FUT9: variants seen among roughly 807,000 people sequenced by gnomAD.
FUT9 encodes the protein 4-galactosyl-N-acetylglucosaminide 3-alpha-L-fucosyltransferase 9.
In FUT9, 15 loss-of-function variants were observed where a neutral mutation model predicts 29.7. The ratio of observed to expected loss-of-function variants is 0.51; its 90% CI spans 0.34 to 0.78. The LOEUF (loss-of-function observed/expected upper bound fraction) is 0.78, where lower values mean the gene tolerates loss of function less well. FUT9 is among the 30% of genes least tolerant of loss of function. The probability of loss-of-function intolerance (pLI) is 0.01; values close to 1 mark genes in which losing one functional copy is unlikely to be tolerated. For synonymous variants in FUT9, 169 were observed against 153.7 expected (o/e 1.10, Z -0.74); for missense variants, 319 against 425.4 (o/e 0.75, Z 2.20).
intron 2 of FUT9, among the ~76,000 whole-genome samples, chr6:96,162,043 C>T (rs546685564): frequency 1.0e-3 from 154 of 152,084 alleles, no homozygotes; most frequent in African/African-American, 3.5e-3. Context: ...CTCTTTATTC[C>T]TTCTTAGCAC....
intron 2 of FUT9, among the ~76,000 whole-genome samples, chr6:96,156,492 C>T (rs542862798): frequency 6.6e-5 from 10 of 152,212 alleles, no homozygotes; most frequent in East Asian, 5.8e-4. Flanking sequence ...AGTTTTCCTT[C>T]GCAGTACAAG....
chr6:96,036,238 A>G (rs1770363615), intron 1 of FUT9, among the ~76,000 whole-genome samples: 2 of 151,036 alleles, frequency 1.3e-5, no homozygotes, highest in African/African-American at 2.4e-5. Flanking sequence ...TATTTAAAAC[A>G]TAATTTTCAT....
intron 2 of FUT9, among the ~76,000 whole-genome samples, chr6:96,136,462 G>A (rs1189136729): frequency 6.6e-6 from 1 of 151,886 alleles, no homozygotes; most frequent in African/African-American, 2.4e-5. Flanking sequence ...AACTCATTAT[G>A]CTTAGGTCAG....
At chr6:96,094,657 G>A (rs1020852831) in intron 1 of FUT9, among the ~76,000 whole-genome samples, 1 of 152,082 alleles carries the variant, frequency 6.6e-6, no homozygotes, top group African/African-American at 2.4e-5. Context: ...TACTCAAAAA[G>A]TTCTGACAAT....
chr6:96,114,837 C>A (rs967361487), intron 2 of FUT9, among the ~76,000 whole-genome samples: 3 of 152,132 alleles, frequency 2.0e-5, no homozygotes, highest in African/African-American at 7.2e-5. Context: ...ACAGCCCAAT[C>A]CCTTTTCCTT....
chr6:96,170,496 GA>G (rs1394249542), intron 2 of FUT9, among the ~76,000 whole-genome samples: 1 of 151,040 alleles, frequency 6.6e-6, no homozygotes, highest in Non-Finnish European at 1.5e-5. Context: ...TCTTCCAAAA[GA>G]ATAGCCAATG....
At chr6:96,029,129 CAT>C in intron 1 of FUT9, among the ~76,000 whole-genome samples, 1 of 151,476 alleles carries the variant, frequency 6.6e-6, no homozygotes, top group Non-Finnish European at 1.5e-5. Context: ...GGGATAGTGT[CAT>C]ATGTGGCAGA....
At chr6:96,129,391 G>A (rs1313372173) in intron 2 of FUT9, among the ~76,000 whole-genome samples, 1 of 151,910 alleles carries the variant, frequency 6.6e-6, no homozygotes, top group African/African-American at 2.4e-5. Context: ...GAGGCTTCGA[G>A]GCTGAAGTAA....
intron 2 of FUT9, among the ~76,000 whole-genome samples, chr6:96,173,840 A>C (rs1410162314): frequency 1.3e-5 from 2 of 152,120 alleles, no homozygotes; most frequent in Non-Finnish European, 2.9e-5. Flanking sequence ...CTTTGCTAAA[A>C]GAGTTTTGAA....
chr6:96,085,495 C>G (rs1771302113), intron 1 of FUT9, among the ~76,000 whole-genome samples: 1 of 152,128 alleles, frequency 6.6e-6, no homozygotes, highest in South Asian at 2.1e-4. Context: ...CTTCTAATAC[C>G]ATTATCTTGA....
chr6:96,059,435 C>T (rs1036420430), intron 1 of FUT9, among the ~76,000 whole-genome samples: 2 of 152,138 alleles, frequency 1.3e-5, no homozygotes, highest in African/African-American at 4.8e-5. Flanking sequence ...TGTTGTTTTA[C>T]TTTAAAGCAG....
chr6:96,069,361 A>G (rs1771015416), intron 1 of FUT9, among the ~76,000 whole-genome samples: 2 of 151,930 alleles, frequency 1.3e-5, no homozygotes, highest in Non-Finnish European at 2.9e-5. Context: ...TCATCTTACC[A>G]AGAAATGAAT....
At chr6:96,119,469 A>C (rs1771978931) in intron 2 of FUT9, among the ~76,000 whole-genome samples, 1 of 152,180 alleles carries the variant, frequency 6.6e-6, no homozygotes, top group South Asian at 2.1e-4. Flanking sequence ...CTAACATCAC[A>C]TTTCTCAGAA....
rs1232422438 is a variant in FUT9, at chr6:96,211,374, G to A, written c.*7139G>A. ...CGCATGTCACAGAATAGGATAGCAA[G>A]AAGATTCTCAGAGATCATTTTCTGG... On this transcript the variant is annotated 3_prime_UTR_variant, in exon 3 of 3. Coordinates refer to ENST00000302103, the MANE Select transcript of FUT9 (RefSeq NM_006581.4). 6.0e-6 allele frequency: 1 copy of A among 166,794 alleles called. No individual in the cohort carries two copies. The allele number at this position is 166,794 out of a possible 1,614,324, so 10.3% of individuals were successfully genotyped here.
rs1191908792 is a variant in FUT9 at position 96,211,601 on chromosome 6, GAAATA to G, written c.*7373_*7377del. The G allele has an allele frequency of 1.9e-5, 3 of 161,758 alleles. No individual in the cohort carries two copies. Among genetic ancestry groups the G allele is most frequent in the Admixed American group, 6.9e-5 (1 of 14,498 alleles). 10.0% of individuals were successfully genotyped at this position (161,758 alleles called of 1,614,324 possible). On this transcript the variant is annotated 3_prime_UTR_variant, in exon 3 of 3. Transcript: ENST00000302103. ...ACAGGAGTATTTATCTAGTGGTTCA[GAAATA>G]AAATAATTGTTAGCCAGCCTGTGAT... is the stretch of plus-strand genomic sequence containing the variant.
intron 1 of FUT9, among the ~76,000 whole-genome samples, chr6:96,052,286 A>C (rs1770684797): frequency 6.6e-6 from 1 of 151,742 alleles, no homozygotes; most frequent in African/African-American, 2.4e-5. Flanking sequence ...GGATTATGGA[A>C]ATTATAATTC....
intron 1 of FUT9, among the ~76,000 whole-genome samples, chr6:96,043,382 T>C (rs1770504311): frequency 6.6e-6 from 1 of 152,358 alleles, no homozygotes; most frequent in South Asian, 2.1e-4. Context: ...ATAACTGTTA[T>C]ACATTATTTG....
intron 1 of FUT9, among the ~76,000 whole-genome samples, chr6:96,034,839 A>G (rs1053973102): frequency 1.3e-5 from 2 of 151,722 alleles, no homozygotes; most frequent in Non-Finnish European, 3.0e-5. Flanking sequence ...ATTAGCCATG[A>G]TTTCTCTTGT....
At chr6:96,042,765 C>A (rs1044674159) in intron 1 of FUT9, among the ~76,000 whole-genome samples, 2 of 152,104 alleles carry the variant, frequency 1.3e-5, no homozygotes, top group South Asian at 2.1e-4. Context: ...GATGTATTAA[C>A]CCATTGAATT....
Sources: gnomAD v4.1 joint callset for allele counts (sites outside exome capture counted in the v4.1 genomes callset) on GRCh38, gnomAD v4.1.1 for gene constraint, MANE v1.5 for transcripts, NCBI Gene and HGNC (gene_info 2026-07-23, HGNC 2026-07-21) for gene names.